The following TNS3 variants were observed in gnomAD, a reference collection of about 807,000 sequenced individuals.
TNS3 encodes tensin 3, also known as tensin-3.
Under a neutral mutation model 140.9 loss-of-function variants are expected in TNS3, and 45 were observed. The observed-to-expected ratio is 0.32, with a 90% CI of 0.25 to 0.41. The LOEUF (loss-of-function observed/expected upper bound fraction) is 0.41. TNS3 is among the 10% of genes least tolerant of loss of function. The pLI is 1.00. For synonymous variants in TNS3, 815 were observed against 788.4 expected (o/e 1.03, Z -0.56); for missense variants, 1,716 against 1,906.7 (o/e 0.90, Z 1.86).
In TNS3 at chr7:47,439,221, C is replaced by T. The variant is rs1345370064; in HGVS notation, c.150+266G>A. The stretch of plus-strand genomic sequence containing the variant: ...ATGTCCCAAGGCACTGGGGAGCCAG[C>T]CTCACTGATGAGTGCAGGACAAGGC... On this transcript the variant is annotated intron_variant, in intron 6 of 30. Transcript: ENST00000311160. Among the ~76,000 whole-genome samples, 3 of 152,318 alleles carry T rather than the reference C, an allele frequency of 2.0e-5. No individual in the cohort carries two copies. The East Asian group carries it at 5.8e-4, about 29-fold the overall frequency.
chr7:47,441,506 C>G (rs1338579145), intron 5 of TNS3, among the ~76,000 whole-genome samples: 4 of 152,180 alleles, frequency 2.6e-5, no homozygotes, highest in Non-Finnish European at 4.4e-5. Flanking sequence ...TTGATTTGTT[C>G]AAATCAGCAT....
chr7:47,563,638 A>G (rs1415167905), intron 1 of TNS3, among the ~76,000 whole-genome samples: 1 of 152,214 alleles, frequency 6.6e-6, no homozygotes, highest in Non-Finnish European at 1.5e-5. Flanking sequence ...TGTGTTCCAC[A>G]AGCCTAGTGA....
intron 2 of TNS3, among the ~76,000 whole-genome samples, chr7:47,521,508 C>A (rs938827931): frequency 6.6e-6 from 1 of 152,188 alleles, no homozygotes; most frequent in Non-Finnish European, 1.5e-5. Context: ...CTCCTGGGCT[C>A]CAGCTGAGGG....
chr7:47,487,476 G>A (rs544205803), intron 3 of TNS3, among the ~76,000 whole-genome samples: 1 of 152,238 alleles, frequency 6.6e-6, no homozygotes, highest in Admixed American at 6.5e-5. Flanking sequence ...GCAGGCCTGG[G>A]CAAACCTTGT....
At chr7:47,350,901 A>G (rs1387018733) in intron 17 of TNS3, among the ~76,000 whole-genome samples, 1 of 152,204 alleles carries the variant, frequency 6.6e-6, no homozygotes, top group Non-Finnish European at 1.5e-5. Context: ...TTAAGTGACA[A>G]AAGACAGTGG....
At chr7:47,470,418 T>C in intron 4 of TNS3, 1 of 979,440 alleles carries the variant, frequency 1.0e-6, no homozygotes, top group Non-Finnish European at 1.2e-6. Flanking sequence ...ATCTGTGCCA[T>C]AAAAGAAAAG....
intron 17 of TNS3, among the ~76,000 whole-genome samples, chr7:47,349,243 C>A (rs1789522459): frequency 6.6e-6 from 1 of 151,964 alleles, no homozygotes; most frequent in Non-Finnish European, 1.5e-5. Context: ...AAAAAAGTCT[C>A]AAAAAAAATC....
chr7:47,389,360 T>C (rs1295770147), intron 16 of TNS3, among the ~76,000 whole-genome samples: 1 of 152,024 alleles, frequency 6.6e-6, no homozygotes, highest in African/African-American at 2.4e-5. Context: ...CGACTGGGGG[T>C]TGGGAGGACC....
chr7:47,358,949 G>C (rs1281856001), intron 17 of TNS3, among the ~76,000 whole-genome samples: 1 of 152,228 alleles, frequency 6.6e-6, no homozygotes, highest in Non-Finnish European at 1.5e-5. Flanking sequence ...ACACCCCAGA[G>C]ACCTGGTGAT....
In TNS3 at chr7:47,389,092, G is replaced by GCAGAAGCAGAA. The variant is rs1562675398; in HGVS notation, c.1024+7707_1024+7708insTTCTGCTTCTG. Among the ~76,000 whole-genome samples, 3 of 55,432 alleles carry GCAGAAGCAGAA rather than the reference G, an allele frequency of 5.4e-5. 1 individual carries two copies. Among genetic ancestry groups the GCAGAAGCAGAA allele is most frequent in the African/African-American group, 3.6e-4 (3 of 8,356 alleles). 36.4% of individuals were successfully genotyped at this position (55,432 alleles called of 152,430 possible). On this transcript the variant is annotated intron_variant, in intron 16 of 30. Coordinates refer to ENST00000311160, the MANE Select transcript of TNS3 (RefSeq NM_022748.12). ...AAGAAGAAGAAGAAGAAGAGGAAGA[G>GCAGAAGCAGAA]GAAGAGGAAGCGGAAGCAGAAGAAG...
intron 20 of TNS3, among the ~76,000 whole-genome samples, chr7:47,338,330 T>C (rs1788749558): frequency 1.3e-5 from 2 of 152,274 alleles, no homozygotes; most frequent in African/African-American, 4.8e-5. Context: ...ATAAGGGGTC[T>C]AGTTTTTCCA....
chr7:47,418,922 A>T (rs977420838), intron 10 of TNS3, among the ~76,000 whole-genome samples: 2 of 152,264 alleles, frequency 1.3e-5, no homozygotes, highest in Non-Finnish European at 2.9e-5. Flanking sequence ...GTCACAGGAC[A>T]TCTTTCCCAA....
intron 20 of TNS3, among the ~76,000 whole-genome samples, chr7:47,341,180 G>A (rs376976836): frequency 6.6e-5 from 10 of 152,124 alleles, no homozygotes; most frequent in East Asian, 1.9e-4. Context: ...CTGAATCTGC[G>A]AGGGATATTG....
Position 47,506,221 on chromosome 7 carries a change from C to T in TNS3, c.-115+686G>A, listed in dbSNP as rs536635230. 3.3e-5 allele frequency among the ~76,000 whole-genome samples: 5 copies of T among 152,292 alleles called. No homozygotes were observed. The South Asian group carries it at 1.0e-3, about 32-fold the overall frequency. ...CTTGGGGATTCCGTAAGTACAGCCA[C>T]CATCCCCAGGAGATCTGAAGGTGCG... On this transcript the variant is annotated intron_variant, in intron 3 of 30. Transcript: ENST00000311160.
chr7:47,316,777 CAAAAAA>C (rs766794024), intron 20 of TNS3, among the ~76,000 whole-genome samples: 1 of 55,994 alleles, frequency 1.8e-5, no homozygotes, highest in Non-Finnish European at 4.1e-5. Flanking sequence ...GACTCCATCT[CAAAAAA>C]AAAAAAAAAA....
At chr7:47,511,141 AT>A (rs1259155936) in intron 2 of TNS3, among the ~76,000 whole-genome samples, 1 of 152,238 alleles carries the variant, frequency 6.6e-6, no homozygotes, top group Non-Finnish European at 1.5e-5. Context: ...TACTGACACA[AT>A]TTCAGATTCC....
chr7:47,501,085 CAGAAAGAG>C (rs901221981), intron 3 of TNS3, among the ~76,000 whole-genome samples: 9 of 145,304 alleles, frequency 6.2e-5, no homozygotes, highest in South Asian at 2.1e-4. Context: ...GAAAGACAAA[CAGAAAGAG>C]AGAAAGAGAG....
At chr7:47,361,077 C>A (rs1185806114) in intron 17 of TNS3, among the ~76,000 whole-genome samples, 2 of 151,834 alleles carry the variant, frequency 1.3e-5, no homozygotes, top group Non-Finnish European at 2.9e-5. Context: ...GAGTTGGAGG[C>A]CAATGCCACC....
intron 16 of TNS3, among the ~76,000 whole-genome samples, chr7:47,371,061 G>C (rs781488602): frequency 3.9e-5 from 6 of 152,200 alleles, no homozygotes; most frequent in Non-Finnish European, 5.9e-5. Context: ...CAGAGAAGTG[G>C]GGAGTGGGGA....
Sources: gnomAD v4.1 joint callset for allele counts (sites outside exome capture counted in the v4.1 genomes callset) on GRCh38, gnomAD v4.1.1 for gene constraint, MANE v1.5 for transcripts, NCBI Gene and HGNC (gene_info 2026-07-23, HGNC 2026-07-21) for gene names.